CPNE4: variants seen among roughly 807,000 people sequenced by gnomAD.
CPNE4 encodes the protein copine-4.
In CPNE4, 25 loss-of-function variants were observed where a neutral mutation model predicts 67.9. The ratio of observed to expected loss-of-function variants is 0.37; its 90% CI spans 0.27 to 0.51. The LOEUF (loss-of-function observed/expected upper bound fraction) is 0.51, where lower values mean the gene tolerates loss of function less well. CPNE4 is among the 20% of genes least tolerant of loss of function. The probability of loss-of-function intolerance (pLI) is 0.93; values close to 1 mark genes in which losing one functional copy is unlikely to be tolerated. For synonymous variants in CPNE4, 242 were observed against 244.9 expected (o/e 0.99, Z 0.11); for missense variants, 464 against 690.8 (o/e 0.67, Z 3.68).
At chr3:131,666,802 G>GAA (rs146049523) in intron 7 of CPNE4, among the ~76,000 whole-genome samples, 1 of 151,360 alleles carries the variant, frequency 6.6e-6, no homozygotes, top group African/African-American at 2.4e-5. Flanking sequence ...ATTACAGGGG[G>GAA]AAAAAAAAGG....
chr3:132,009,348 T>C (rs2073690782), intron 1 of CPNE4, among the ~76,000 whole-genome samples: 1 of 152,152 alleles, frequency 6.6e-6, no homozygotes, highest in Non-Finnish European at 1.5e-5. Context: ...CCAGAGCTCA[T>C]CACAGCCTGT....
intron 2 of CPNE4, among the ~76,000 whole-genome samples, chr3:131,864,597 A>T (rs1381541364): frequency 7.0e-6 from 1 of 142,236 alleles, no homozygotes; most frequent in Non-Finnish European, 1.5e-5. Context: ...CAGCTTAAGG[A>T]GATTTTGGGC....
intron 1 of CPNE4, among the ~76,000 whole-genome samples, chr3:132,008,547 C>A (rs953195807): frequency 6.6e-6 from 1 of 152,126 alleles, no homozygotes; most frequent in African/African-American, 2.4e-5. Flanking sequence ...GTTCATCTGG[C>A]CAGAAGCCCC....
chr3:131,945,880 G>A (rs1338818651), intron 1 of CPNE4, among the ~76,000 whole-genome samples: 6 of 152,282 alleles, frequency 3.9e-5, no homozygotes, highest in African/African-American at 4.8e-5. Flanking sequence ...GACACTGCCC[G>A]CGTGGAGGCC....
At chr3:131,638,993 C>T (rs377706935) in intron 7 of CPNE4, among the ~76,000 whole-genome samples, 1 of 151,982 alleles carries the variant, frequency 6.6e-6, no homozygotes, top group African/African-American at 2.4e-5. Context: ...CTATCAAAAC[C>T]TCTGGGATAG....
At position 131,670,562 on chromosome 3, in the gene CPNE4, G is replaced by T. The variant is rs142170034; in HGVS notation, c.592-798C>A. Among the ~76,000 whole-genome samples the T allele has an allele frequency of 2.9e-3, 443 of 152,184 alleles. 1 individual carries two copies. The highest frequency in any genetic ancestry group is 5.5e-3 in the Non-Finnish European group (377 of 68,002). Reference sequence around the variant, plus strand: ...CTAGCATTGTACTGTGTACTTGAGGGCAGGGATTCCCAAAGTGTGGTTCCT... The same window carrying T: ...CTAGCATTGTACTGTGTACTTGAGGTCAGGGATTCCCAAAGTGTGGTTCCT... On this transcript the variant is annotated intron_variant, in intron 6 of 15. Transcript: ENST00000429747.
intron 3 of CPNE4, among the ~76,000 whole-genome samples, chr3:131,704,312 G>A (rs553335262): frequency 1.4e-4 from 22 of 152,298 alleles, no homozygotes; most frequent in African/African-American, 4.8e-4. Flanking sequence ...CAGCAAGATG[G>A]AAGTGGGGAG....
intron 1 of CPNE4, among the ~76,000 whole-genome samples, chr3:131,997,654 A>C (rs1036436620): frequency 1.1e-4 from 17 of 152,142 alleles, no homozygotes; most frequent in Admixed American, 9.8e-4. Context: ...GTAGTCAAGA[A>C]CCAGAGCTTC....
At chr3:131,960,120 T>TGGAGAG (rs148046388) in intron 1 of CPNE4, among the ~76,000 whole-genome samples, 11 of 147,364 alleles carry the variant, frequency 7.5e-5, no homozygotes, top group Non-Finnish European at 1.5e-4. Context: ...AGAGAAAGAG[T>TGGAGAG]GGAGAGGGAG....
chr3:131,868,184 A>C (rs1169504710), intron 2 of CPNE4, among the ~76,000 whole-genome samples: 1 of 152,126 alleles, frequency 6.6e-6, no homozygotes, highest in Non-Finnish European at 1.5e-5. Flanking sequence ...TTTTGTCTTA[A>C]ATAGGTCCCT....
intron 3 of CPNE4, among the ~76,000 whole-genome samples, chr3:131,703,716 T>C (rs938811634): frequency 6.6e-6 from 1 of 150,522 alleles, no homozygotes; most frequent in Non-Finnish European, 1.5e-5. Flanking sequence ...ATTGAAAATA[T>C]TTTCAGAATT....
chr3:132,037,587 G>T, upstream of CPNE4: 1 of 1,535,930 alleles, frequency 6.5e-7, no homozygotes, highest in Non-Finnish European at 8.7e-7. Flanking sequence ...AATGGATTCT[G>T]AGCTGCTGGG....
rs866772167 is a variant in CPNE4, at chr3:131,835,358, A to G, written c.180+69906T>C. On this transcript the variant is annotated intron_variant, in intron 2 of 15. Transcript: ENST00000429747. Reference sequence around the variant, plus strand: ...ATTCTGGCCAACGTGGTGAAATACCATCTCTACTAAAAATACAAAAATTAG... The same window carrying G: ...ATTCTGGCCAACGTGGTGAAATACCGTCTCTACTAAAAATACAAAAATTAG... Among the ~76,000 whole-genome samples, 9 of 152,114 alleles carry G rather than the reference A, an allele frequency of 5.9e-5. 1 individual carries two copies. In the South Asian group the frequency reaches 1.9e-3, roughly 32 times the overall value.
At chr3:131,816,054 G>A (rs1189767159) in intron 2 of CPNE4, among the ~76,000 whole-genome samples, 1 of 152,186 alleles carries the variant, frequency 6.6e-6, no homozygotes, top group Non-Finnish European at 1.5e-5. Context: ...AAGGCAGTTA[G>A]CTCGTGAGGT....
intron 1 of CPNE4, among the ~76,000 whole-genome samples, chr3:131,999,241 T>TAAAAAAAAAAAAAA (rs79127364): frequency 0.014 from 1,361 of 98,654 alleles, 113 homozygotes; most frequent in Middle Eastern, 0.018. Flanking sequence ...TTATCCAAGG[T>TAAAAAAAAAAAAAA]AAAAAAAAAA....
At chr3:131,633,228 A>G (rs1442703182) in intron 7 of CPNE4, among the ~76,000 whole-genome samples, 1 of 152,112 alleles carries the variant, frequency 6.6e-6, no homozygotes, top group Non-Finnish European at 1.5e-5. Flanking sequence ...CCATTCTACC[A>G]TCATTTCTTG....
chr3:131,684,072 C>A (rs898816002), intron 6 of CPNE4, among the ~76,000 whole-genome samples: 2 of 152,014 alleles, frequency 1.3e-5, no homozygotes, highest in African/African-American at 4.8e-5. Flanking sequence ...TCTTTCCTAC[C>A]CTCTTCAGTG....
chr3:131,787,467 A>T (rs555158784), intron 2 of CPNE4, among the ~76,000 whole-genome samples: 3 of 152,270 alleles, frequency 2.0e-5, no homozygotes, highest in Admixed American at 2.0e-4. Flanking sequence ...TTTATATCCC[A>T]GCCCCACTAA....
At chr3:131,598,029 G>T (rs368628059) in intron 7 of CPNE4, among the ~76,000 whole-genome samples, 1 of 152,214 alleles carries the variant, frequency 6.6e-6, no homozygotes, top group Non-Finnish European at 1.5e-5. Context: ...TAATAAACTG[G>T]TTAATTATTA....
Sources: gnomAD v4.1 joint callset for allele counts (sites outside exome capture counted in the v4.1 genomes callset) on GRCh38, gnomAD v4.1.1 for gene constraint, MANE v1.5 for transcripts, NCBI Gene and HGNC (gene_info 2026-07-23, HGNC 2026-07-21) for gene names.